Variants in CCDC154 observed in about 807,000 individuals in gnomAD.
CCDC154 encodes coiled-coil domain-containing protein 154.
CCDC154 carries 91 observed loss-of-function variants against 87.5 expected under a neutral mutation model. That is an observed-to-expected ratio of 1.04 (90% CI 0.88 to 1.24). The LOEUF (loss-of-function observed/expected upper bound fraction) is 1.24. Among genes scored for constraint, CCDC154 ranks in the 50% most tolerant of loss-of-function variants. The probability of loss-of-function intolerance (pLI) is 0.00; values close to 1 mark genes in which losing one functional copy is unlikely to be tolerated. For missense variants in CCDC154, 903 were observed against 879.2 expected, an observed-to-expected ratio of 1.03 and a Z score of -0.34; for synonymous variants, 418 against 400.4, an observed-to-expected ratio of 1.04 and a Z score of -0.52.
At chr16:1,434,587 C>T (rs2038482398) in intron 16 of CCDC154, 53 bp from the exon 17 acceptor site, 1 of 1,388,988 alleles carries the variant, frequency 7.2e-7, no homozygotes, top group Admixed American at 2.1e-5. Context: ...CCCCCCATGG[C>T]CCACCTGCTG....
intron 6 of CCDC154, among the ~76,000 whole-genome samples, chr16:1,441,094 G>C (rs979103405): frequency 5.3e-5 from 8 of 152,186 alleles, no homozygotes; most frequent in Admixed American, 2.6e-4. Flanking sequence ...GCTCCAGCCT[G>C]AACAACCAGG....
chr16:1,437,713 G>GA, intron 11 of CCDC154, 104 bp downstream of exon 11: 1 of 1,346,946 alleles, frequency 7.4e-7, no homozygotes, highest in South Asian at 1.5e-5. Context: ...GGAGGCTTGG[G>GA]ACCGGCCTGT....
At position 1,436,697 on chromosome 16, in the gene CCDC154, G is replaced by A; in HGVS notation, c.1405C>T (p.Gln469Ter). ...GVREKVDGLP[Q>*]QIESVSDKCL... ...CTGGCTGTGCCTTCGCCCACCTGCT[G>A]GGGGAGGCCATCCACCTTCTCCCGC... The change falls in exon 12 of 17, where the codon CAG becomes TAG. Residue 469 changes from glutamine to a stop codon, truncating the protein, a stop_gained. Coordinates refer to ENST00000389176, the MANE Select transcript of CCDC154 (RefSeq NM_001143980.3). LOFTEE classifies it high-confidence loss of function. The A allele has an allele frequency of 6.5e-7, 1 of 1,550,104 alleles. No individual in the cohort carries two copies. Among genetic ancestry groups the A allele is most frequent in the Non-Finnish European group, 8.7e-7 (1 of 1,146,902 alleles).
chr16:1,435,827 C>T, intron 14 of CCDC154, 142 bp downstream of exon 14: 2 of 717,400 alleles, frequency 2.8e-6, no homozygotes, highest in South Asian at 1.7e-5. Context: ...CGCCTGGCCT[C>T]CGACAGGTGG....
intron 6 of CCDC154, among the ~76,000 whole-genome samples, chr16:1,441,685 C>T (rs2038553094): frequency 6.6e-6 from 1 of 152,192 alleles, no homozygotes; most frequent in Non-Finnish European, 1.5e-5. Context: ...CAGGCGCTGG[C>T]TGTGTGGGGA....
At chr16:1,442,839 C>CA in intron 5 of CCDC154, 41 bp downstream of exon 5, 1 of 1,520,278 alleles carries the variant, frequency 6.6e-7, no homozygotes, top group Non-Finnish European at 8.9e-7. Flanking sequence ...CAAATGACCC[C>CA]ACGCAAGCTC....
Position 1,438,658 on chromosome 16 carries a change from G to A in CCDC154, c.986C>T (p.Ala329Val), listed in dbSNP as rs1214696674. Residue 329 changes from alanine to valine, a missense_variant, in exon 9 of 17, where the codon GCG becomes GTG. Coordinates refer to ENST00000389176, the MANE Select transcript of CCDC154 (RefSeq NM_001143980.3). ...GGCCAGTAGGACACGGTTCAGCGAC[G>A]CCTGGTTCTGCTGCACAAACTTGGT... is the stretch of plus-strand genomic sequence containing the variant. ...QLTKFVQQNQ[A>V]SLNRVLLAEE... The A allele has an allele frequency of 3.9e-6, 6 of 1,550,000 alleles. No homozygotes were observed. Among genetic ancestry groups the A allele is most frequent in the Admixed American group, 2.0e-5 (1 of 50,972 alleles).
chr16:1,441,706 C>T (rs368075410), intron 6 of CCDC154, among the ~76,000 whole-genome samples: 70 of 152,142 alleles, frequency 4.6e-4, no homozygotes, highest in African/African-American at 1.4e-3. Flanking sequence ...GGGGTGGAGG[C>T]GGCAGGACAC....
At chr16:1,442,650 A>G in intron 5 of CCDC154, 121 bp from the exon 6 acceptor site, 1 of 1,226,132 alleles carries the variant, frequency 8.2e-7, no homozygotes, top group Non-Finnish European at 1.1e-6. Flanking sequence ...CCACCAGAAA[A>G]CAGAGGAATG....
At chr16:1,436,309 G>T in intron 13 of CCDC154, 136 bp downstream of exon 13, 1 of 898,130 alleles carries the variant, frequency 1.1e-6, no homozygotes, top group Non-Finnish European at 1.7e-6. Context: ...TGAGCCCGGT[G>T]CTGGGCCAGG....
chr16:1,441,856 C>T (rs896990677), intron 6 of CCDC154, among the ~76,000 whole-genome samples: 6 of 152,204 alleles, frequency 3.9e-5, no homozygotes, highest in African/African-American at 7.2e-5. Context: ...CCTCCCGCCT[C>T]GGCCTCCCAA....
At chr16:1,434,928 C>A in intron 15 of CCDC154, 76 bp from the exon 16 acceptor site, 1 of 1,442,590 alleles carries the variant, frequency 6.9e-7, no homozygotes, top group South Asian at 1.4e-5. Context: ...GCTTATCTCC[C>A]ACCGGGAGCC....
At chr16:1,441,014 A>G (rs887390580) in intron 6 of CCDC154, among the ~76,000 whole-genome samples, 5 of 150,906 alleles carry the variant, frequency 3.3e-5, no homozygotes, top group African/African-American at 1.2e-4. Flanking sequence ...AGCTACTGGG[A>G]AGGCTAAGGC....
At position 1,443,513 on chromosome 16, in the gene CCDC154, G is replaced by A. The variant is rs548421132; in HGVS notation, c.407C>T (p.Ala136Val). The A allele has an allele frequency of 3.1e-5, 46 of 1,471,190 alleles. No individual in the cohort carries two copies. The highest frequency in any genetic ancestry group is 2.2e-4 in the Admixed American group (9 of 40,106). 91.1% of individuals were successfully genotyped at this position (1,471,190 alleles called of 1,614,324 possible). The change falls in exon 3 of 17, where the codon GCG becomes GTG. Residue 136 changes from alanine to valine, a missense_variant. Transcript: ENST00000389176. ...GGTGGGGGAGCCGCTCACCTCCGGC[G>A]CCTCCTTTTCGGGGGCCTGGGCTGC... is the stretch of plus-strand genomic sequence containing the variant. ...RPAAQAPEKE[A>V]PEFSGLQNQM...
chr16:1,437,137 G>A (rs1167495966), intron 11 of CCDC154: 2 of 375,568 alleles, frequency 5.3e-6, no homozygotes, highest in Non-Finnish European at 5.0e-6. Context: ...CTCGCGTGTC[G>A]GTGGATGAGC....
At chr16:1,435,739 G>A (rs2038496107) in intron 14 of CCDC154, among the ~76,000 whole-genome samples, 1 of 151,982 alleles carries the variant, frequency 6.6e-6, no homozygotes, top group South Asian at 2.1e-4. Flanking sequence ...TTGGTCAGGC[G>A]GGTCTCAAAC....
At chr16:1,441,857 G>A (rs998259877) in intron 6 of CCDC154, among the ~76,000 whole-genome samples, 31 of 151,852 alleles carry the variant, frequency 2.0e-4, no homozygotes, top group Non-Finnish European at 2.9e-4. Context: ...CTCCCGCCTC[G>A]GCCTCCCAAA....
Position 1,444,346 on chromosome 16 carries a change from C to T in CCDC154, c.-24G>A. ...ATGGCTGCTGGGCTGCACCGGCCAC[C>T]CTGCCCTCGGCTGTAGCTTGGGCCT... On this transcript the variant is annotated 5_prime_UTR_variant, in exon 1 of 17. Transcript: ENST00000389176. The T allele has an allele frequency of 7.7e-7, 1 of 1,300,766 alleles. No homozygotes were observed. The highest frequency in any genetic ancestry group is 1.0e-6 in the Non-Finnish European group (1 of 988,772). 80.6% of individuals were successfully genotyped at this position (1,300,766 alleles called of 1,614,324 possible). A position where few individuals can be genotyped will look rare whatever the true frequency, so the allele number is the denominator to read the frequency against.
intron 11 of CCDC154, 127 bp downstream of exon 11, chr16:1,437,690 G>A (rs545319961): frequency 3.2e-5 from 38 of 1,194,428 alleles, no homozygotes; most frequent in Middle Eastern, 2.9e-4. Context: ...GGGGACAGTC[G>A]CTGGGTGGGA....
Sources: allele counts gnomAD v4.1 joint callset (sites outside exome capture counted in the v4.1 genomes callset), GRCh38; gene constraint gnomAD v4.1.1; transcripts MANE v1.5; gene names NCBI Gene and HGNC (gene_info 2026-07-23, HGNC 2026-07-21).